The following PHF24 variants were observed in gnomAD, a reference collection of about 807,000 sequenced individuals.
The protein encoded by PHF24 is PHD finger protein 24.
In PHF24, 25 loss-of-function variants were observed where a neutral mutation model predicts 42.6. That is an observed-to-expected ratio of 0.59 (90% CI 0.43 to 0.82). PHF24 has a LOEUF of 0.82. Ranked by LOEUF, PHF24 falls within the 40% of genes least tolerant of loss-of-function variation. PHF24 has a pLI of 0.00. For missense variants in PHF24, 470 were observed against 538.1 expected, an observed-to-expected ratio of 0.87 and a Z score of 1.25; for synonymous variants, 185 against 204.8, an observed-to-expected ratio of 0.90 and a Z score of 0.83.
upstream of PHF24, among the ~76,000 whole-genome samples, chr9:34,957,074 G>T (rs1826392160): frequency 6.6e-6 from 1 of 152,192 alleles, no homozygotes; most frequent in Admixed American, 6.5e-5. Context: ...CAAAGGGATG[G>T]TGTGAAAATT....
At chr9:34,848,013 T>A in the PHF24 span, among the ~76,000 whole-genome samples, 1 of 152,168 alleles carries the variant, frequency 6.6e-6, no homozygotes, top group African/African-American at 2.4e-5. Flanking sequence ...AGTATTTTAT[T>A]GAGGATTTTT....
chr9:34,965,426 C>A (rs1462309041), intron 1 of PHF24, among the ~76,000 whole-genome samples: 17 of 152,220 alleles, frequency 1.1e-4, no homozygotes, highest in Non-Finnish European at 2.5e-4. Flanking sequence ...TCTGCCCTTA[C>A]AGGCATAAAA....
chr9:34,672,695 G>C, the PHF24 span, among the ~76,000 whole-genome samples: 3 of 152,088 alleles, frequency 2.0e-5, no homozygotes, highest in African/African-American at 7.2e-5. Context: ...TTACTCCATG[G>C]ATGGATTCAT....
At chr9:34,766,966 C>T in the PHF24 span, among the ~76,000 whole-genome samples, 1 of 152,226 alleles carries the variant, frequency 6.6e-6, no homozygotes, top group Non-Finnish European at 1.5e-5. Flanking sequence ...TAGAGGTCCA[C>T]TCCAGACCCT....
chr9:34,826,987 C>G, the PHF24 span, among the ~76,000 whole-genome samples: 1 of 152,284 alleles, frequency 6.6e-6, no homozygotes, highest in South Asian at 2.1e-4. Context: ...GCTATGACCC[C>G]TATTTCTCTT....
the PHF24 span, among the ~76,000 whole-genome samples, chr9:34,696,309 G>A: frequency 1.3e-5 from 2 of 151,936 alleles, no homozygotes; most frequent in East Asian, 1.9e-4. Flanking sequence ...CCAACATGGC[G>A]AAACCCTGTC....
chr9:34,917,276 T>C, the PHF24 span: 1 of 1,069,852 alleles, frequency 9.3e-7, no homozygotes, highest in African/African-American at 1.5e-5. Flanking sequence ...TCTGGATCGA[T>C]GGTACTGGAA....
chr9:34,757,087 C>T, the PHF24 span, among the ~76,000 whole-genome samples: 1 of 151,792 alleles, frequency 6.6e-6, no homozygotes, highest in Non-Finnish European at 1.5e-5. Flanking sequence ...GTATTTTTAG[C>T]AGAGACAGCG....
intron 1 of PHF24, among the ~76,000 whole-genome samples, chr9:34,961,999 T>C (rs1471732946): frequency 6.6e-6 from 1 of 152,164 alleles, no homozygotes; most frequent in African/African-American, 2.4e-5. Context: ...AGTGATTCAC[T>C]ACAGTCACCA....
At chr9:34,732,531 A>G in the PHF24 span, among the ~76,000 whole-genome samples, 1 of 152,036 alleles carries the variant, frequency 6.6e-6, no homozygotes, top group Non-Finnish European at 1.5e-5. Flanking sequence ...GTCCAGATGA[A>G]TAGTTTGTAA....
the PHF24 span, among the ~76,000 whole-genome samples, chr9:34,825,909 G>A: frequency 1.3e-5 from 2 of 152,060 alleles, no homozygotes; most frequent in African/African-American, 2.4e-5. Flanking sequence ...GATTCCCATG[G>A]GTCAGTCTGC....
the PHF24 span, among the ~76,000 whole-genome samples, chr9:34,937,688 G>C: frequency 1.1e-4 from 16 of 151,362 alleles, no homozygotes; most frequent in Admixed American, 6.6e-4. Flanking sequence ...GCAGAAAGCT[G>C]TCTGGCCTCG....
chr9:34,744,002 C>A, the PHF24 span, among the ~76,000 whole-genome samples: 1 of 152,180 alleles, frequency 6.6e-6, no homozygotes, highest in Non-Finnish European at 1.5e-5. Flanking sequence ...AACTAACCTG[C>A]TCCTGTGATA....
the PHF24 span, among the ~76,000 whole-genome samples, chr9:34,883,807 C>T: frequency 2.5e-4 from 38 of 152,050 alleles, no homozygotes; most frequent in African/African-American, 8.0e-4. Flanking sequence ...GACAGTGTGG[C>T]GATTCCTCAA....
At chr9:34,921,231 G>A in the PHF24 span, among the ~76,000 whole-genome samples, 3 of 148,558 alleles carry the variant, frequency 2.0e-5, no homozygotes, top group South Asian at 2.2e-4. Flanking sequence ...TTTAATACAC[G>A]TGTTCTTAAC....
the PHF24 span, among the ~76,000 whole-genome samples, chr9:34,803,166 A>G: frequency 1.3e-5 from 2 of 152,198 alleles, no homozygotes; most frequent in Non-Finnish European, 2.9e-5. Context: ...GAGTAGGTTC[A>G]GCTTGCCAAT....
In PHF24 at chr9:34,977,989, G is replaced by A. The variant is rs200493433; in HGVS notation, c.1107-26G>A. 1.1e-5 allele frequency: 18 copies of A among 1,575,862 alleles called. No individual in the cohort carries two copies. In the African/African-American group the frequency reaches 1.2e-4, roughly 11 times the overall value. On this transcript the variant is annotated intron_variant, in intron 7 of 7. Coordinates refer to ENST00000242315, the Ensembl canonical transcript of PHF24. ...TCACGTGTCTTCAAACCAGCCTCAC[G>A]ACTCTGTTCTTTGCTTCCACTCCAG...
At chr9:34,698,608 G>A in the PHF24 span, among the ~76,000 whole-genome samples, 1 of 152,158 alleles carries the variant, frequency 6.6e-6, no homozygotes, top group African/African-American at 2.4e-5. Flanking sequence ...AGCCTCCTGA[G>A]TAGCTAGGAC....
intron 1 of PHF24, among the ~76,000 whole-genome samples, chr9:34,963,778 G>A (rs1826677026): frequency 6.6e-6 from 1 of 152,190 alleles, no homozygotes; most frequent in African/African-American, 2.4e-5. Context: ...TGCTAGCCCT[G>A]ACTCACTGTC....
Sources: allele counts gnomAD v4.1 joint callset (sites outside exome capture counted in the v4.1 genomes callset), GRCh38; gene constraint gnomAD v4.1.1; transcripts MANE v1.5; gene names NCBI Gene and HGNC (gene_info 2026-07-23, HGNC 2026-07-21).